The following PTPRE variants were observed in gnomAD, a reference collection of about 807,000 sequenced individuals.
The protein encoded by PTPRE is protein tyrosine phosphatase receptor type E, also known as receptor-type tyrosine-protein phosphatase epsilon.
PTPRE carries 51 observed loss-of-function variants against 102.0 expected under a neutral mutation model. The ratio of observed to expected loss-of-function variants is 0.50; its 90% confidence interval spans 0.40 to 0.63. The LOEUF (loss-of-function observed/expected upper bound fraction) is 0.63. PTPRE is among the 30% of genes least tolerant of loss of function. PTPRE has a pLI of 0.00. For synonymous variants in PTPRE, 345 were observed against 348.2 expected, an observed-to-expected ratio of 0.99 and a Z score of 0.10; for missense variants, 752 against 915.1, an observed-to-expected ratio of 0.82 and a Z score of 2.30.
At chr10:128,019,542 C>G (rs1845693869) in intron 2 of PTPRE, among the ~76,000 whole-genome samples, 1 of 152,202 alleles carries the variant, frequency 6.6e-6, no homozygotes, top group African/African-American at 2.4e-5. Flanking sequence ...TGGGATCTGC[C>G]TTGAGTAGCC....
Position 128,008,265 on chromosome 10 carries a change from T to TTCCC in PTPRE, c.-8+25985_-8+25988dup, listed in dbSNP as rs1564876948. ...TCACCCTCCCTCCCTCTCTCCCTCA[T>TTCCC]TCCCTCCCTCCCTCCCTCCAGGTGC... On this transcript the variant is annotated intron_variant, in intron 2 of 20. Transcript: ENST00000254667. The surrounding 1 kb of genome is among the most constrained non-coding windows in gnomAD (Gnocchi z 4.0). Among the ~76,000 whole-genome samples the TTCCC allele has an allele frequency of 7.3e-6, 1 of 137,636 alleles. No homozygotes were observed. Among genetic ancestry groups the TTCCC allele is most frequent in the Non-Finnish European group, 1.6e-5 (1 of 63,684 alleles). 90.3% of individuals were successfully genotyped at this position (137,636 alleles called of 152,430 possible).
chr10:128,061,619 A>G (rs1275885060), intron 8 of PTPRE, 60 bp from the exon 9 acceptor site: 5 of 1,547,984 alleles, frequency 3.2e-6, no homozygotes, highest in Non-Finnish European at 4.4e-6. Flanking sequence ...AGCAACACCA[A>G]CAAATCCTTT....
chr10:128,067,359 C>T (rs1850316847), intron 11 of PTPRE, among the ~76,000 whole-genome samples: 1 of 151,354 alleles, frequency 6.6e-6, no homozygotes. Context: ...CACACACGCA[C>T]ACGTGCACAC....
At chr10:128,046,713 G>T (rs35743042) in intron 3 of PTPRE, among the ~76,000 whole-genome samples, 19,518 of 152,174 alleles carry the variant, frequency 0.13, 1,526 homozygotes, top group East Asian at 0.24. Flanking sequence ...AGTGTCCCTT[G>T]GAATTTGGGC....
rs541073215 is a variant in PTPRE at position 128,009,591 on chromosome 10, C to T, written c.-8+27295C>T. On this transcript the variant is annotated intron_variant, in intron 2 of 20. Transcript: ENST00000254667. ...CTATTGTGCCTGTTTTACTCTGAGC[C>T]GGAAAGAGCTGGCCCAGAGCTACAC... 3.4e-4 allele frequency among the ~76,000 whole-genome samples: 52 copies of T among 152,160 alleles called. 1 individual carries two copies. The highest frequency in any genetic ancestry group is 5.0e-4 in the Non-Finnish European group (34 of 68,042).
chr10:127,982,283 T>C lies in PTPRE; in HGVS notation c.-21T>C. 1 of 1,270,360 alleles carries C rather than the reference T, an allele frequency of 7.9e-7. No individual in the cohort carries two copies. Among genetic ancestry groups the C allele is most frequent in the Non-Finnish European group, 1.0e-6 (1 of 975,462 alleles). The allele number at this position is 1,270,360 out of a possible 1,614,324, so 78.7% of individuals were successfully genotyped here. ...CTTCTTTCTTCTTCAGACTATAGCC[T>C]TCACTTTCCCTCGGTGAGTACAAAA... On this transcript the variant is annotated 5_prime_UTR_variant, in exon 2 of 21. Coordinates refer to ENST00000254667, the MANE Select transcript of PTPRE (RefSeq NM_006504.6).
intron 2 of PTPRE, among the ~76,000 whole-genome samples, chr10:128,020,540 G>T (rs912182514): frequency 2.0e-5 from 3 of 152,174 alleles, no homozygotes; most frequent in African/African-American, 7.2e-5. Flanking sequence ...GATAACCCTG[G>T]ACGTATTCTC....
chr10:127,949,634 G>A (rs944077252), intron 1 of PTPRE, among the ~76,000 whole-genome samples: 1 of 152,124 alleles, frequency 6.6e-6, no homozygotes, highest in East Asian at 1.9e-4. Context: ...CTCCTAGCAC[G>A]GCTAAACCAA....
At chr10:127,989,390 A>G (rs1214593076) in intron 2 of PTPRE, among the ~76,000 whole-genome samples, 1 of 152,236 alleles carries the variant, frequency 6.6e-6, no homozygotes, top group African/African-American at 2.4e-5. Flanking sequence ...ATACATATGG[A>G]GCACTTATTT....
intron 1 of PTPRE, among the ~76,000 whole-genome samples, chr10:127,962,561 C>T (rs1280742926): frequency 3.9e-5 from 6 of 152,118 alleles, no homozygotes; most frequent in East Asian, 1.9e-4. Context: ...CTCTGCAGGG[C>T]GGGGTCAGGC....
chr10:127,969,401 C>G (rs553738054), intron 1 of PTPRE, among the ~76,000 whole-genome samples: 1 of 152,236 alleles, frequency 6.6e-6, no homozygotes, highest in South Asian at 2.1e-4. Flanking sequence ...GGTGTGACAG[C>G]TCAGGTTTAT....
intron 2 of PTPRE, among the ~76,000 whole-genome samples, chr10:128,029,461 G>T (rs1401856240): frequency 6.6e-6 from 1 of 152,140 alleles, no homozygotes; most frequent in Non-Finnish European, 1.5e-5. Flanking sequence ...GACCCTCTCA[G>T]CCCAGACACC....
intron 1 of PTPRE, among the ~76,000 whole-genome samples, chr10:127,933,795 A>G (rs2135251190): frequency 6.6e-6 from 1 of 152,240 alleles, no homozygotes. Flanking sequence ...GGCAGAGTGG[A>G]AGAGCTTGGA....
chr10:127,982,223 C>G, intron 1 of PTPRE, 51 bp from the exon 2 acceptor site: 1 of 1,161,534 alleles, frequency 8.6e-7, no homozygotes, highest in Non-Finnish European at 1.1e-6. Context: ...AATTAGCAGC[C>G]AACTCCTGTT....
chr10:128,012,763 TC>T (rs1187240881), intron 2 of PTPRE, among the ~76,000 whole-genome samples: 1 of 152,092 alleles, frequency 6.6e-6, no homozygotes, highest in Non-Finnish European at 1.5e-5. Context: ...CACCAGCCAC[TC>T]CCCACAACCC....
At chr10:127,908,715 C>G (rs1845664265) in intron 1 of PTPRE, among the ~76,000 whole-genome samples, 1 of 152,210 alleles carries the variant, frequency 6.6e-6, no homozygotes. Context: ...TGACGTACCA[C>G]CCAGCCCTTC....
intron 1 of PTPRE, among the ~76,000 whole-genome samples, chr10:127,979,358 A>G (rs1851433425): frequency 6.6e-6 from 1 of 152,258 alleles, no homozygotes; most frequent in Non-Finnish European, 1.5e-5. Context: ...AGTAGCCATC[A>G]GCGTCGCAGT....
Position 128,028,263 on chromosome 10 carries a change from G to A in PTPRE, c.-7-12612G>A, listed in dbSNP as rs1352750422. ...TTAAATATGGGATCCGGATCACCCTGCGCCTGTCTCCTCCCCAGTCCTTTC... is the reference window on the plus strand; with the variant it reads ...TTAAATATGGGATCCGGATCACCCTACGCCTGTCTCCTCCCCAGTCCTTTC... On this transcript the variant is annotated intron_variant, in intron 2 of 20. Transcript: ENST00000254667. This position sits in a 1 kb window ranked among gnomAD's most constrained non-coding sequence, Gnocchi z 4.5. Among the ~76,000 whole-genome samples the A allele has an allele frequency of 6.6e-6, 1 of 152,144 alleles. No individual in the cohort carries two copies. Among genetic ancestry groups the A allele is most frequent in the Non-Finnish European group, 1.5e-5 (1 of 68,028 alleles).
intron 2 of PTPRE, among the ~76,000 whole-genome samples, chr10:128,024,191 C>T (rs931291028): frequency 5.3e-5 from 8 of 152,218 alleles, no homozygotes; most frequent in Admixed American, 3.9e-4. Flanking sequence ...CTCTCAAGGG[C>T]TTCCTTGCTT....
Sources: gnomAD v4.1 joint callset for allele counts (sites outside exome capture counted in the v4.1 genomes callset) on GRCh38, gnomAD v4.1.1 for gene constraint, Gnocchi (gnomAD v3.1) non-coding constraint, MANE v1.5 for transcripts, NCBI Gene and HGNC (gene_info 2026-07-23, HGNC 2026-07-21) for gene names.